Variants in ROPN1L observed in about 807,000 individuals in gnomAD.
ROPN1L encodes the protein rhophilin associated tail protein 1 like, also known as ropporin-1-like protein.
Under a neutral mutation model 22.7 loss-of-function variants are expected in ROPN1L, and 23 were observed. That is an observed-to-expected ratio of 1.01 (90% confidence interval 0.73 to 1.43). The LOEUF is 1.43. Ranked by LOEUF, ROPN1L falls within the 40% of genes most tolerant of loss-of-function variation. The probability of loss-of-function intolerance (pLI) is 0.00; values close to 1 mark genes in which losing one functional copy is unlikely to be tolerated. For missense variants in ROPN1L, 271 were observed against 291.5 expected, an observed-to-expected ratio of 0.93 and a Z score of 0.51; for synonymous variants, 116 against 117.8, an observed-to-expected ratio of 0.98 and a Z score of 0.10.
At chr5:10,452,769 G>T (rs1229479175) in intron 3 of ROPN1L, among the ~76,000 whole-genome samples, 1 of 152,030 alleles carries the variant, frequency 6.6e-6, no homozygotes, top group Non-Finnish European at 1.5e-5. Context: ...CATGTTTTTG[G>T]ATCCATCTTT....
intron 1 of ROPN1L, among the ~76,000 whole-genome samples, chr5:10,447,261 T>G (rs944348718): frequency 6.6e-6 from 1 of 152,168 alleles, no homozygotes; most frequent in African/African-American, 2.4e-5. Flanking sequence ...GGGCGTGAGT[T>G]TCTCAGAAGG....
In ROPN1L at chr5:10,442,011, C is replaced by T. The variant is rs1486012260; in HGVS notation, c.-157C>T. On this transcript the variant is annotated 5_prime_UTR_variant, in exon 1 of 5. Coordinates refer to ENST00000274134, the MANE Select transcript of ROPN1L (RefSeq NM_031916.5). ...AAGCCCGCGGAGGAGCGGGTAAGAG[C>T]CCCGCGAATCCGGCCCCAACCTCGG... is the stretch of plus-strand genomic sequence containing the variant. 7.2e-5 allele frequency: 71 copies of T among 979,314 alleles called. 1 individual carries two copies. The Admixed American group carries it at 1.4e-3, about 20-fold the overall frequency. 60.7% of individuals were successfully genotyped at this position (979,314 alleles called of 1,614,324 possible).
intron 3 of ROPN1L, among the ~76,000 whole-genome samples, chr5:10,456,415 G>A (rs562545048): frequency 6.6e-6 from 1 of 152,194 alleles, no homozygotes; most frequent in Non-Finnish European, 1.5e-5. Flanking sequence ...TTGAACCCAG[G>A]AGGCGGAGGT....
At chr5:10,458,915 C>A (rs1175005976) in intron 3 of ROPN1L, among the ~76,000 whole-genome samples, 7 of 74,130 alleles carry the variant, frequency 9.4e-5, no homozygotes, top group African/African-American at 3.6e-4. Flanking sequence ...GCCTGTATGC[C>A]CCATCCCCCC....
At chr5:10,472,696 C>T (rs114911546), downstream of ROPN1L, among the ~76,000 whole-genome samples, 777 of 152,250 alleles carry the variant, frequency 5.1e-3, 4 homozygotes, top group African/African-American at 0.018. Flanking sequence ...TTATACAGGG[C>T]GTGTTCACCA....
chr5:10,464,413 TCTC>T (rs1327986546), intron 4 of ROPN1L, among the ~76,000 whole-genome samples: 1 of 152,184 alleles, frequency 6.6e-6, no homozygotes, highest in African/African-American at 2.4e-5. Context: ...CTGGGCCCCT[TCTC>T]CTGCCCGATC....
intron 1 of ROPN1L, among the ~76,000 whole-genome samples, chr5:10,444,197 C>T (rs935747769): frequency 2.0e-5 from 3 of 152,160 alleles, no homozygotes; most frequent in Admixed American, 1.3e-4. Flanking sequence ...TTGTGCTGTA[C>T]AAAAAATTCC....
rs545330739 is a variant in ROPN1L, at chr5:10,449,322, C to T, written c.256-630C>T. 8.5e-5 allele frequency among the ~76,000 whole-genome samples: 13 copies of T among 152,188 alleles called. No individual in the cohort carries two copies. In the South Asian group the frequency reaches 1.2e-3, roughly 15 times the overall value. The stretch of plus-strand genomic sequence containing the variant: ...TCACTTGAGGTCAGGAGTTCAAGAC[C>T]AGCCTGGCCAACAAGGTGAAACTTT... On this transcript the variant is annotated intron_variant, in intron 2 of 4. Transcript: ENST00000274134.
At chr5:10,458,272 C>T (rs960324526) in intron 3 of ROPN1L, among the ~76,000 whole-genome samples, 2 of 151,934 alleles carry the variant, frequency 1.3e-5, no homozygotes, top group Non-Finnish European at 2.9e-5. Flanking sequence ...CAGCAGCCTC[C>T]CTCCTGGCTG....
At chr5:10,454,174 T>C (rs1489323327) in intron 3 of ROPN1L, among the ~76,000 whole-genome samples, 1 of 152,126 alleles carries the variant, frequency 6.6e-6, no homozygotes, top group Non-Finnish European at 1.5e-5. Flanking sequence ...TCACCCAGGC[T>C]GGAGTGCAGT....
rs763608913 is a variant in ROPN1L, at chr5:10,461,204, G to A, written c.438G>A (p.Lys146=). 1.2e-6 allele frequency: 2 copies of A among 1,613,908 alleles called. No homozygotes were observed. Among genetic ancestry groups the A allele is most frequent in the Admixed American group, 1.7e-5 (1 of 60,018 alleles). The stretch of plus-strand genomic sequence containing the variant: ...CCCAGTCCTTGAACACTGCGCTGAA[G>A]CACCTGTGCGAGATCCTCACGGACG... ...MLGGSLNTAL[K]HLCEILTDDP... Residue 146 remains lysine (K), a synonymous_variant, in exon 4 of 5, where the codon AAG becomes AAA. Coordinates refer to ENST00000274134, the MANE Select transcript of ROPN1L (RefSeq NM_031916.5).
At chr5:10,480,440 C>T in the ROPN1L span, among the ~76,000 whole-genome samples, 3 of 152,132 alleles carry the variant, frequency 2.0e-5, no homozygotes, top group Non-Finnish European at 4.4e-5. Flanking sequence ...TTCCTAGGAT[C>T]CCCTGGGAGG....
chr5:10,444,337 C>A (rs1386002319), intron 1 of ROPN1L, among the ~76,000 whole-genome samples: 2 of 152,188 alleles, frequency 1.3e-5, no homozygotes, highest in Non-Finnish European at 2.9e-5. Context: ...GTTGCCCAGG[C>A]TGGAGTGCAA....
chr5:10,452,678 T>A (rs1741296737), intron 3 of ROPN1L, among the ~76,000 whole-genome samples: 1 of 152,160 alleles, frequency 6.6e-6, no homozygotes, highest in South Asian at 2.1e-4. Flanking sequence ...GTATGCAATG[T>A]TTGAATTAAT....
the ROPN1L span, chr5:10,478,166 G>T: frequency 6.6e-6 from 1 of 152,470 alleles, no homozygotes; most frequent in Non-Finnish European, 1.5e-5. Flanking sequence ...GACTGCACGT[G>T]GTGGGCCCTG....
chr5:10,455,829 G>A (rs1259880332), intron 3 of ROPN1L, among the ~76,000 whole-genome samples: 1 of 150,228 alleles, frequency 6.7e-6, no homozygotes, highest in Non-Finnish European at 1.5e-5. Context: ...TTAAAAACCA[G>A]TGCTGGGTCA....
At chr5:10,448,170 C>T (rs1741132741) in intron 1 of ROPN1L, 90 bp from the exon 2 acceptor site, 2 of 1,469,978 alleles carry the variant, frequency 1.4e-6, no homozygotes, top group South Asian at 2.4e-5. Flanking sequence ...TTCCTAATCA[C>T]CGTTGTTTTG....
At chr5:10,452,976 C>CA (rs944954715) in intron 3 of ROPN1L, among the ~76,000 whole-genome samples, 15 of 152,322 alleles carry the variant, frequency 9.8e-5, no homozygotes, top group African/African-American at 3.4e-4. Flanking sequence ...CTTTTGGGTT[C>CA]TTCCTATCAT....
the ROPN1L span, among the ~76,000 whole-genome samples, chr5:10,481,008 A>G: frequency 1.3e-5 from 2 of 152,068 alleles, no homozygotes; most frequent in African/African-American, 4.8e-5. Flanking sequence ...CACAGTTCCT[A>G]TGAAACCCAC....
Sources: gnomAD v4.1 joint callset for allele counts (sites outside exome capture counted in the v4.1 genomes callset) on GRCh38, gnomAD v4.1.1 for gene constraint, MANE v1.5 for transcripts, NCBI Gene and HGNC (gene_info 2026-07-23, HGNC 2026-07-21) for gene names.